The following ADH7 variants were observed in gnomAD, a reference collection of about 807,000 sequenced individuals.
The protein encoded by ADH7 is all-trans-retinol dehydrogenase [NAD(+)] ADH7.
A neutral mutation model predicts 34.4 loss-of-function variants in ADH7; 41 were observed. That is an observed-to-expected ratio of 1.19 (90% CI 0.93 to 1.55). ADH7 has a LOEUF of 1.55. Ranked by LOEUF, ADH7 falls within the 40% of genes most tolerant of loss-of-function variation. The pLI is 0.00. For missense variants in ADH7, 540 were observed against 461.2 expected (o/e 1.17, Z -1.56); for synonymous variants, 180 against 160.9 (o/e 1.12, Z -0.90).
rs539640105 is a variant in ADH7 at position 99,434,093 on chromosome 4, G to A, written c.18+1123C>T. Among the ~76,000 whole-genome samples, 608 of 152,076 alleles carry A rather than the reference G, an allele frequency of 4.0e-3. 2 individuals are homozygous for A. The highest frequency in any genetic ancestry group is 6.2e-3 in the Non-Finnish European group (424 of 67,990). On this transcript the variant is annotated intron_variant, in intron 1 of 8. Coordinates refer to ENST00000437033, the MANE Select transcript of ADH7 (RefSeq NM_000673.7). Reference sequence around the variant, plus strand: ...ATATTATATACTGTATTATTAATTGGAAAGTGCTGCCTTGAGGCTACTTTC... The same window carrying A: ...ATATTATATACTGTATTATTAATTGAAAAGTGCTGCCTTGAGGCTACTTTC...
At chr4:99,426,288 A>T (rs1055197643) in intron 5 of ADH7, among the ~76,000 whole-genome samples, 2 of 152,146 alleles carry the variant, frequency 1.3e-5, no homozygotes, top group African/African-American at 4.8e-5. Context: ...TTTTGAAAGG[A>T]TCAACAAAAT....
rs1721499234 is a variant in ADH7, at chr4:99,415,601, T to C, written c.977A>G (p.Asp326Gly). The C allele has an allele frequency of 3.1e-6, 5 of 1,613,224 alleles. No individual in the cohort carries two copies. Among genetic ancestry groups the C allele is most frequent in the African/African-American group, 1.3e-5 (1 of 75,008 alleles). The change falls in exon 8 of 9, where the codon GAT becomes GGT. Residue 326 changes from aspartate (D) to glycine (G), a missense_variant. Transcript: ENST00000437033. The part of the protein sequence containing the change: ...GCVFGGLKSR[D>G]DVPKLVTEFL... ...CTCAGTCACTAGTTTTGGGACATCA[T>C]CTCTGCTTTTCAAACCTGCAAATAA...
Position 99,420,704 on chromosome 4 carries a change from C to G in ADH7, c.654G>C (p.Arg218Ser). 6.2e-7 allele frequency: 1 copy of G among 1,613,746 alleles called. No homozygotes were observed. Among genetic ancestry groups the G allele is most frequent in the Non-Finnish European group, 8.5e-7 (1 of 1,179,886 alleles). Residue 218 changes from arginine to serine, a missense_variant, in exon 6 of 9, where the codon AGG (arginine) becomes AGC (serine). Arg to Ser is a moderately radical substitution (Grantham distance 110). Coordinates refer to ENST00000437033, the MANE Select transcript of ADH7 (RefSeq NM_000673.7). Reference sequence around the variant, plus strand: ...CTTTGTTGAGGTCAATCCCAATGATCCTAGATGCACCAGCTGACTTACAGC... The same window carrying G: ...CTTTGTTGAGGTCAATCCCAATGATGCTAGATGCACCAGCTGACTTACAGC... ...IMGCKSAGAS[R>S]IIGIDLNKDK...
rs889503492 is a variant in ADH7 at position 99,435,257 on chromosome 4, T to C, written c.-24A>G. 2 of 1,613,444 alleles carry C rather than the reference T, an allele frequency of 1.2e-6. No homozygotes were observed. The highest frequency in any genetic ancestry group is 1.7e-6 in the Non-Finnish European group (2 of 1,179,716). The stretch of plus-strand genomic sequence containing the variant: ...ATCCTGTCTTTGTCTTGGATCTGTA[T>C]TTCTGCAAACATAGACTTTTTCTGA... On this transcript the variant is annotated 5_prime_UTR_variant, in exon 1 of 9. Transcript: ENST00000437033.
chr4:99,430,718 A>G (rs939071996), intron 1 of ADH7, among the ~76,000 whole-genome samples: 2 of 152,214 alleles, frequency 1.3e-5, no homozygotes, highest in Non-Finnish European at 2.9e-5. Flanking sequence ...TTACAGTGTA[A>G]TATGGCCCAA....
At chr4:99,421,029 G>A (rs994002919) in intron 5 of ADH7, among the ~76,000 whole-genome samples, 1 of 152,206 alleles carries the variant, frequency 6.6e-6, no homozygotes, top group Admixed American at 6.5e-5. Flanking sequence ...AAAATTCCAT[G>A]CTCATGCATA....
chr4:99,431,923 C>G lies in ADH7; in HGVS notation c.19-2290G>C, dbSNP rs1721944836. ...AGCAGTCTGGCCATTTCTCAAAGAA[C>G]ATAAAACAGGATTAACATTTGACCC... On this transcript the variant is annotated intron_variant, in intron 1 of 8. Transcript: ENST00000437033. Among the ~76,000 whole-genome samples the G allele has an allele frequency of 2.6e-5, 4 of 152,248 alleles. No individual in the cohort carries two copies. The South Asian group carries it at 8.3e-4, about 32-fold the overall frequency.
chr4:99,413,735 C>A (rs572515420), intron 8 of ADH7, among the ~76,000 whole-genome samples: 59 of 152,294 alleles, frequency 3.9e-4, no homozygotes, highest in African/African-American at 1.3e-3. Context: ...AACCTATTAT[C>A]TCACTACCAT....
Position 99,419,055 on chromosome 4 carries a change from C to T in ADH7, c.892G>A (p.Ala298Thr), listed in dbSNP as rs977044117. The T allele has an allele frequency of 6.2e-7, 1 of 1,613,860 alleles. No homozygotes were observed. Among genetic ancestry groups the T allele is most frequent in the Middle Eastern group, 1.7e-4 (1 of 6,054 alleles). Residue 298 changes from alanine to threonine, a missense_variant, in exon 7 of 9, where the codon GCC (alanine) becomes ACC (threonine). By Grantham distance (58) the Ala-to-Thr change is moderately conservative. Transcript: ENST00000437033. ...TSVVVGVPPS[A>T]KMLTYDPMLL... ...ATCGGGTCATAGGTGAGCATCTTGG[C>T]TGATGGAGGAACTCCTACAACCACG...
At chr4:99,421,200 C>T (rs574050807) in intron 5 of ADH7, among the ~76,000 whole-genome samples, 2 of 152,140 alleles carry the variant, frequency 1.3e-5, no homozygotes, top group South Asian at 2.1e-4. Flanking sequence ...CAAGACAATC[C>T]TAAGCCAAAA....
At position 99,425,176 on chromosome 4, in the gene ADH7, A is replaced by G. The variant is rs1208089906; in HGVS notation, c.564+2597T>C. On this transcript the variant is annotated intron_variant, in intron 5 of 8. Transcript: ENST00000437033. The stretch of plus-strand genomic sequence containing the variant: ...CTAATGAGCAAAATAACCAGCTAAC[A>G]TCATCATGACAGGATCAAATTCACA... 4.0e-5 allele frequency among the ~76,000 whole-genome samples: 6 copies of G among 150,724 alleles called. No individual in the cohort carries two copies. The East Asian group carries it at 1.2e-3, about 29-fold the overall frequency.
Position 99,418,574 on chromosome 4 carries a change from C to T in ADH7, c.961+412G>A, listed in dbSNP as rs141482945. ...CTGTTCCCATAAAATGTGACAATCC[C>T]TTTTGTTGTTGTTGTTGGTTTTGGC... is the stretch of plus-strand genomic sequence containing the variant. On this transcript the variant is annotated intron_variant, in intron 7 of 8. Coordinates refer to ENST00000437033, the MANE Select transcript of ADH7 (RefSeq NM_000673.7). Among the ~76,000 whole-genome samples the T allele has an allele frequency of 7.1e-3, 1,079 of 152,186 alleles. 9 individuals carry two copies. The highest frequency in any genetic ancestry group is 0.037 in the Middle Eastern group (11 of 294).
At chr4:99,417,994 A>G (rs1441950257) in intron 7 of ADH7, among the ~76,000 whole-genome samples, 1 of 152,170 alleles carries the variant, frequency 6.6e-6, no homozygotes, top group Non-Finnish European at 1.5e-5. Context: ...TCTCCCATGG[A>G]CCAGCTTTAA....
Position 99,416,071 on chromosome 4 carries a change from A to G in ADH7, c.962-455T>C, listed in dbSNP as rs180988494. 3.3e-5 allele frequency among the ~76,000 whole-genome samples: 5 copies of G among 152,240 alleles called. No homozygotes were observed. In the East Asian group the frequency reaches 9.7e-4, roughly 29 times the overall value. Reference sequence around the variant, plus strand: ...GGGTTGATGGGTGCAGCAAACCACCATGGCACTTGTATTCCAACGTAACGA... The same window carrying G: ...GGGTTGATGGGTGCAGCAAACCACCGTGGCACTTGTATTCCAACGTAACGA... On this transcript the variant is annotated intron_variant, in intron 7 of 8. Transcript: ENST00000437033.
chr4:99,424,719 T>G (rs1424404606), intron 5 of ADH7, among the ~76,000 whole-genome samples: 1 of 152,146 alleles, frequency 6.6e-6, no homozygotes, highest in Non-Finnish European at 1.5e-5. Flanking sequence ...TTTTGTACAT[T>G]GATTTTGTGT....
intron 5 of ADH7, 119 bp from the exon 6 acceptor site, chr4:99,420,912 G>T: frequency 1.1e-6 from 1 of 905,114 alleles, no homozygotes; most frequent in Non-Finnish European, 1.7e-6. Flanking sequence ...TTGCTACAAA[G>T]AGAATAAAAT....
At chr4:99,417,085 T>C (rs2110133020) in intron 7 of ADH7, among the ~76,000 whole-genome samples, 1 of 152,236 alleles carries the variant, frequency 6.6e-6, no homozygotes, top group African/African-American at 2.4e-5. Flanking sequence ...CTTCCAGCAT[T>C]ATAATGACTT....
At chr4:99,419,997 C>T (rs1721610743) in intron 6 of ADH7, among the ~76,000 whole-genome samples, 2 of 152,086 alleles carry the variant, frequency 1.3e-5, no homozygotes, top group Non-Finnish European at 2.9e-5. Flanking sequence ...AACTGAAGGT[C>T]TGGTGCTGCG....
At chr4:99,413,204 T>C in intron 8 of ADH7, 32 bp from the exon 9 acceptor site, 1 of 1,610,644 alleles carries the variant, frequency 6.2e-7, no homozygotes, top group Non-Finnish European at 8.5e-7. Flanking sequence ...TTTAATGACT[T>C]GTTTTCATAT....
Sources: gnomAD v4.1 joint callset for allele counts (sites outside exome capture counted in the v4.1 genomes callset) on GRCh38, gnomAD v4.1.1 for gene constraint, MANE v1.5 for transcripts, NCBI Gene and HGNC (gene_info 2026-07-23, HGNC 2026-07-21) for gene names.